PRKG1: variants seen among roughly 807,000 people sequenced by gnomAD.
PRKG1 encodes the protein cGMP-dependent protein kinase 1.
A neutral mutation model predicts 88.1 loss-of-function variants in PRKG1; 35 were observed. The ratio of observed to expected loss-of-function variants is 0.40; its 90% CI spans 0.30 to 0.53. The LOEUF is 0.53. Among genes scored for constraint, PRKG1 ranks in the 20% least tolerant of loss-of-function variants. The pLI, the probability that PRKG1 is intolerant of heterozygous loss-of-function variation, is 0.59. For synonymous variants in PRKG1, 303 were observed against 292.5 expected (o/e 1.04, Z -0.37); for missense variants, 540 against 839.8 (o/e 0.64, Z 4.41).
chr10:52,079,810 A>G (rs1993857), intron 7 of PRKG1, among the ~76,000 whole-genome samples: 63,081 of 152,022 alleles, frequency 0.41, 13,840 homozygotes, highest in East Asian at 0.62. Flanking sequence ...TTAGTCTTCC[A>G]GATTATTGAG....
chr10:52,001,194 A>G (rs574750802), intron 5 of PRKG1, among the ~76,000 whole-genome samples: 1 of 151,954 alleles, frequency 6.6e-6, no homozygotes, highest in Admixed American at 6.6e-5. Context: ...CTTTTTCAAG[A>G]CTGGATAATA....
At chr10:51,163,323 G>A (rs577122990) in intron 2 of PRKG1, among the ~76,000 whole-genome samples, 1 of 152,196 alleles carries the variant, frequency 6.6e-6, no homozygotes, top group African/African-American at 2.4e-5. Flanking sequence ...TTTATTAATA[G>A]CAAAGCTTTA....
chr10:52,242,199 G>C (rs1352661766), intron 9 of PRKG1: 1 of 152,008 alleles, frequency 6.6e-6, no homozygotes, highest in Non-Finnish European at 1.5e-5. Context: ...TCTGGCCCTG[G>C]GTAGCCATGC....
intron 9 of PRKG1, among the ~76,000 whole-genome samples, chr10:52,233,244 C>T (rs1306326559): frequency 6.7e-6 from 1 of 149,766 alleles, no homozygotes; most frequent in Admixed American, 6.6e-5. Context: ...AAATATTCAA[C>T]TCTGTATCTG....
intron 7 of PRKG1, chr10:52,128,533 A>G (rs553746372): frequency 1.0e-6 from 1 of 985,426 alleles, no homozygotes; most frequent in East Asian, 1.1e-4. Context: ...AAGTTCAAAG[A>G]ATATCAGAGT....
At chr10:51,930,230 G>T (rs889658129) in intron 5 of PRKG1, among the ~76,000 whole-genome samples, 3 of 152,124 alleles carry the variant, frequency 2.0e-5, no homozygotes, top group Admixed American at 2.0e-4. Context: ...GAGATGGAGT[G>T]GGGGGAGGAA....
At chr10:51,673,304 A>C (rs767012934) in intron 3 of PRKG1, among the ~76,000 whole-genome samples, 1 of 152,192 alleles carries the variant, frequency 6.6e-6, no homozygotes, top group African/African-American at 2.4e-5. Flanking sequence ...ATATTTTATG[A>C]AGAGTAGCCG....
In PRKG1 at chr10:51,633,205, C is replaced by T. The variant is rs72797318; in HGVS notation, c.592+165369C>T. Among the ~76,000 whole-genome samples, 976 of 152,194 alleles carry T rather than the reference C, an allele frequency of 6.4e-3. 8 individuals are homozygous for T. Among genetic ancestry groups the T allele is most frequent in the Middle Eastern group, 0.017 (5 of 294 alleles). On this transcript the variant is annotated intron_variant, in intron 3 of 17. Coordinates refer to ENST00000373980, the MANE Select transcript of PRKG1 (RefSeq NM_006258.4). ...GTAAAGATCTAGAGGCAACCACTCA[C>T]ATATTTTAAAATAATAATAATAATT...
intron 4 of PRKG1, among the ~76,000 whole-genome samples, chr10:51,892,483 G>C (rs542597386): frequency 2.0e-5 from 3 of 152,240 alleles, no homozygotes; most frequent in African/African-American, 7.2e-5. Context: ...TAAACAGATG[G>C]CTTCCCATCA....
At chr10:51,784,949 T>C (rs1838690644) in intron 3 of PRKG1, among the ~76,000 whole-genome samples, 1 of 152,142 alleles carries the variant, frequency 6.6e-6, no homozygotes, top group African/African-American at 2.4e-5. Flanking sequence ...GTGTAAAGAC[T>C]ATGACTAATT....
In PRKG1 at chr10:51,964,455, G is replaced by A. The variant is rs1056119247; in HGVS notation, c.762+56885G>A. ...TGTAAATTCAGTTTGAAAGTTCAGCGTTGATGGTAAAGTTATTTGTTTTCA... is the reference window on the plus strand; with the variant it reads ...TGTAAATTCAGTTTGAAAGTTCAGCATTGATGGTAAAGTTATTTGTTTTCA... On this transcript the variant is annotated intron_variant, in intron 5 of 17. Transcript: ENST00000373980. Among the ~76,000 whole-genome samples the A allele has an allele frequency of 1.1e-4, 16 of 152,156 alleles. No individual in the cohort carries two copies. The East Asian group carries it at 2.3e-3, about 22-fold the overall frequency.
intron 3 of PRKG1, among the ~76,000 whole-genome samples, chr10:51,491,521 C>G (rs114286716): frequency 0.012 from 1,837 of 152,112 alleles, 35 homozygotes; most frequent in African/African-American, 0.042. Flanking sequence ...GAGCTGAGAG[C>G]TAGGGAAAGT....
intron 4 of PRKG1, among the ~76,000 whole-genome samples, chr10:51,835,811 A>C (rs1016714530): frequency 1.3e-5 from 2 of 152,222 alleles, no homozygotes; most frequent in Admixed American, 1.3e-4. Context: ...AGGAACCTCC[A>C]TACTGTTTTC....
intron 7 of PRKG1, among the ~76,000 whole-genome samples, chr10:52,076,299 G>A (rs748888409): frequency 7.2e-5 from 11 of 152,238 alleles, no homozygotes; most frequent in East Asian, 1.9e-4. Context: ...GCTCACGCCC[G>A]TAGTCCCAGC....
In PRKG1 at chr10:51,913,114, A is replaced by T. The variant is rs1411893822; in HGVS notation, c.762+5544A>T. Reference sequence around the variant, plus strand: ...TGATTAATTTTTGTATTTTTAGTAGAGACAGGGTTTTGCCATATTGGCCAG... The same window carrying T: ...TGATTAATTTTTGTATTTTTAGTAGTGACAGGGTTTTGCCATATTGGCCAG... On this transcript the variant is annotated intron_variant, in intron 5 of 17. Transcript: ENST00000373980. Among the ~76,000 whole-genome samples the T allele has an allele frequency of 5.3e-5, 8 of 152,098 alleles. No homozygotes were observed. In the East Asian group the frequency reaches 1.5e-3, roughly 29 times the overall value.
chr10:51,293,457 A>C (rs1840635795), intron 2 of PRKG1, among the ~76,000 whole-genome samples: 1 of 152,134 alleles, frequency 6.6e-6, no homozygotes, highest in Non-Finnish European at 1.5e-5. Context: ...ATTCTATTCA[A>C]GGTGAGATCA....
At chr10:51,727,610 A>G (rs1273672257) in intron 3 of PRKG1, among the ~76,000 whole-genome samples, 2 of 152,164 alleles carry the variant, frequency 1.3e-5, no homozygotes, top group Non-Finnish European at 2.9e-5. Context: ...ATGAAGCCCT[A>G]ATATTCCCAG....
chr10:51,929,325 G>A (rs914648937), intron 5 of PRKG1, among the ~76,000 whole-genome samples: 1 of 148,644 alleles, frequency 6.7e-6, no homozygotes, highest in African/African-American at 2.5e-5. Flanking sequence ...AGCATTGCCT[G>A]ACCAACATCT....
intron 12 of PRKG1, among the ~76,000 whole-genome samples, chr10:52,273,574 T>C (rs1841789801): frequency 6.6e-6 from 1 of 152,138 alleles, no homozygotes. Flanking sequence ...GGTACCTTCA[T>C]ATCTTTGTAC....
Sources: allele counts gnomAD v4.1 joint callset (sites outside exome capture counted in the v4.1 genomes callset), GRCh38; gene constraint gnomAD v4.1.1; transcripts MANE v1.5; gene names NCBI Gene and HGNC (gene_info 2026-07-23, HGNC 2026-07-21).